The following SETBP1 variants were observed in gnomAD, a reference collection of about 807,000 sequenced individuals.
The protein encoded by SETBP1 is SET-binding protein.
In SETBP1, 9 loss-of-function variants were observed where a neutral mutation model predicts 101.0. That is an observed-to-expected ratio of 0.09 (90% CI 0.05 to 0.16). The LOEUF (loss-of-function observed/expected upper bound fraction) is 0.16. Among genes scored for constraint, SETBP1 ranks in the 10% least tolerant of loss-of-function variants. The pLI is 1.00. For synonymous variants in SETBP1, 818 were observed against 788.5 expected (o/e 1.04, Z -0.63); for missense variants, 1,858 against 2,033.8 (o/e 0.91, Z 1.66).
At chr18:44,878,942 C>T (rs2069469985) in intron 3 of SETBP1, among the ~76,000 whole-genome samples, 1 of 152,156 alleles carries the variant, frequency 6.6e-6, no homozygotes, top group African/African-American at 2.4e-5. Flanking sequence ...CAGGCAGCCT[C>T]TACTGCATTT....
chr18:44,779,675 G>A (rs1364545501), intron 2 of SETBP1, among the ~76,000 whole-genome samples: 4 of 152,138 alleles, frequency 2.6e-5, no homozygotes, highest in Non-Finnish European at 4.4e-5. Context: ...CGAAGACTTT[G>A]TGCAAAGGGA....
intron 2 of SETBP1, among the ~76,000 whole-genome samples, chr18:44,818,996 G>GTC (rs1451852368): frequency 8.8e-6 from 1 of 113,614 alleles, no homozygotes; most frequent in African/African-American, 3.3e-5. Context: ...GTGTGTGTCT[G>GTC]TGTGTGTGTG....
intron 2 of SETBP1, among the ~76,000 whole-genome samples, chr18:44,780,385 G>A (rs990391327): frequency 6.6e-6 from 1 of 151,942 alleles, no homozygotes; most frequent in African/African-American, 2.4e-5. Flanking sequence ...TCATCCCTTG[G>A]GTACCTAAGA....
chr18:44,916,568 A>G (rs548104474), intron 3 of SETBP1, among the ~76,000 whole-genome samples: 1 of 152,168 alleles, frequency 6.6e-6, no homozygotes, highest in South Asian at 2.1e-4. Flanking sequence ...TCTTAGACTG[A>G]GACACCACCT....
intron 4 of SETBP1, among the ~76,000 whole-genome samples, chr18:44,995,332 A>G (rs182549970): frequency 0.017 from 2,645 of 151,976 alleles, 33 homozygotes; most frequent in Non-Finnish European, 0.024. Context: ...TAGTAGAGAC[A>G]GGGTTTCACA....
At chr18:44,738,623 A>G (rs1291950509) in intron 2 of SETBP1, among the ~76,000 whole-genome samples, 2 of 151,974 alleles carry the variant, frequency 1.3e-5, no homozygotes, top group African/African-American at 4.8e-5. Context: ...AAAATACAAA[A>G]ACTAGCTGGG....
At chr18:45,005,792 G>A (rs4890498) in intron 4 of SETBP1, among the ~76,000 whole-genome samples, 32,359 of 148,924 alleles carry the variant, frequency 0.22, 3,680 homozygotes, top group East Asian at 0.48. Flanking sequence ...GACTACAGGC[G>A]CCTGCCACCA....
At chr18:44,822,414 T>G (rs2072131427) in intron 2 of SETBP1, among the ~76,000 whole-genome samples, 1 of 152,194 alleles carries the variant, frequency 6.6e-6, no homozygotes, top group Non-Finnish European at 1.5e-5. Context: ...AAATTTGCCT[T>G]CTAAAATTAT....
chr18:44,938,960 G>GTGTA (rs889422295), intron 3 of SETBP1, among the ~76,000 whole-genome samples: 9 of 148,068 alleles, frequency 6.1e-5, no homozygotes, highest in Non-Finnish European at 1.2e-4. Context: ...GTGTGTGCAT[G>GTGTA]TGTGTGTGTG....
At chr18:44,973,215 C>T (rs1394586028) in intron 4 of SETBP1, among the ~76,000 whole-genome samples, 5 of 152,160 alleles carry the variant, frequency 3.3e-5, no homozygotes, top group African/African-American at 9.7e-5. Context: ...CCTTGCATCC[C>T]AAGGATGAAG....
chr18:44,999,966 A>G (rs2072582648), intron 4 of SETBP1, among the ~76,000 whole-genome samples: 1 of 152,214 alleles, frequency 6.6e-6, no homozygotes, highest in Admixed American at 6.5e-5. Flanking sequence ...AAACACAAAA[A>G]TCATGTGTCT....
intron 5 of SETBP1, among the ~76,000 whole-genome samples, chr18:45,039,632 A>T (rs926302192): frequency 6.6e-6 from 1 of 152,244 alleles, no homozygotes; most frequent in Non-Finnish European, 1.5e-5. Context: ...AATGTTACAT[A>T]CATATTTCTT....
Position 44,902,892 on chromosome 18 carries a change from TTA to T in SETBP1, c.540+33621_540+33622del, listed in dbSNP as rs147989536. ...ATATATATGTGATAAAGTTTACATG[TTA>T]TATATATATATGTTGTATTGCCAAA... On this transcript the variant is annotated intron_variant, in intron 3 of 5. Coordinates refer to ENST00000649279, the MANE Select transcript of SETBP1 (RefSeq NM_015559.3). Among the ~76,000 whole-genome samples, 1,348 of 151,520 alleles carry T rather than the reference TTA, an allele frequency of 8.9e-3. 20 individuals are homozygous for T. The highest frequency in any genetic ancestry group is 0.031 in the African/African-American group (1,295 of 41,390).
chr18:44,987,703 A>G (rs985285248), intron 4 of SETBP1: 2 of 152,216 alleles, frequency 1.3e-5, no homozygotes, highest in Non-Finnish European at 2.9e-5. Context: ...GCAGTTTATT[A>G]TCTTTAAGCT....
intron 3 of SETBP1, among the ~76,000 whole-genome samples, chr18:44,942,197 A>G (rs1017461613): frequency 1.3e-5 from 2 of 152,158 alleles, no homozygotes; most frequent in Non-Finnish European, 1.5e-5. Flanking sequence ...AAGGAGTACC[A>G]TTTCTGAGAT....
At chr18:44,731,641 C>A (rs1262537700) in intron 2 of SETBP1, among the ~76,000 whole-genome samples, 1 of 152,002 alleles carries the variant, frequency 6.6e-6, no homozygotes, top group Non-Finnish European at 1.5e-5. Context: ...TACACACACA[C>A]ACACACACAC....
At chr18:44,974,012 C>T (rs1004410349) in intron 4 of SETBP1, among the ~76,000 whole-genome samples, 2 of 151,918 alleles carry the variant, frequency 1.3e-5, no homozygotes, top group Non-Finnish European at 2.9e-5. Context: ...TGGTCAATAC[C>T]TATGTAAAAT....
At chr18:44,816,181 A>G (rs1419792361) in intron 2 of SETBP1, among the ~76,000 whole-genome samples, 1 of 152,168 alleles carries the variant, frequency 6.6e-6, no homozygotes, top group Non-Finnish European at 1.5e-5. Flanking sequence ...AGGGAACAGC[A>G]GCTTCCACAA....
At chr18:44,722,799 A>G (rs2069628757) in intron 2 of SETBP1, among the ~76,000 whole-genome samples, 1 of 152,258 alleles carries the variant, frequency 6.6e-6, no homozygotes. Flanking sequence ...GTTCTCTAGT[A>G]GGCTTCTAGG....
Sources: allele counts gnomAD v4.1 joint callset (sites outside exome capture counted in the v4.1 genomes callset), GRCh38; gene constraint gnomAD v4.1.1; transcripts MANE v1.5; gene names NCBI Gene and HGNC (gene_info 2026-07-23, HGNC 2026-07-21).